MGST1: variants seen among roughly 807,000 people sequenced by gnomAD.
MGST1 encodes glutathione S-transferase 12.
In MGST1, 5 loss-of-function variants were observed where a neutral mutation model predicts 8.9. The ratio of observed to expected loss-of-function variants is 0.56; its 90% CI spans 0.29 to 1.19. The LOEUF is 1.19. MGST1 is among the 50% of genes most tolerant of loss of function. The pLI is 0.08. For synonymous variants in MGST1, 54 were observed against 67.8 expected (o/e 0.80, Z 1.00); for missense variants, 182 against 187.4 (o/e 0.97, Z 0.17).
chr12:16,552,084 T>G (rs1942009291), intron 4 of MGST1, among the ~76,000 whole-genome samples: 2 of 152,092 alleles, frequency 1.3e-5, no homozygotes, highest in African/African-American at 4.8e-5. Flanking sequence ...TAAAGCATTG[T>G]TTAATGTGCA....
intron 3 of MGST1, among the ~76,000 whole-genome samples, chr12:16,371,724 T>TA (rs1223145091): frequency 6.6e-6 from 1 of 152,110 alleles, no homozygotes; most frequent in Admixed American, 6.6e-5. Flanking sequence ...GATCATCAGC[T>TA]AAAAAATATG....
chr12:16,359,932 C>T (rs1231951510), intron 3 of MGST1, among the ~76,000 whole-genome samples: 1 of 152,182 alleles, frequency 6.6e-6, no homozygotes, highest in Admixed American at 6.5e-5. Context: ...ACTCCCTGCC[C>T]GTGGGATTGT....
At position 16,427,928 on chromosome 12, in the gene MGST1, C is replaced by T. The variant is rs555140751; in HGVS notation, n.779-9460C>T. Among the ~76,000 whole-genome samples, 187 of 151,756 alleles carry T rather than the reference C, an allele frequency of 1.2e-3. 1 individual carries two copies. Among genetic ancestry groups the T allele is most frequent in the Admixed American group, 4.1e-3 (63 of 15,256 alleles). On this transcript the variant is annotated intron_variant and non_coding_transcript_variant, in intron 1 of 1. Transcript: ENST00000359720. Reference sequence around the variant, plus strand: ...TTATTACTTCTTTTTGGTTTTTAAACTTTTTGATTTAATCTTATATTTCTC... The same window carrying T: ...TTATTACTTCTTTTTGGTTTTTAAATTTTTTGATTTAATCTTATATTTCTC...
intron 4 of MGST1, among the ~76,000 whole-genome samples, chr12:16,477,669 T>C (rs1204328911): frequency 6.6e-6 from 1 of 152,250 alleles, no homozygotes; most frequent in Non-Finnish European, 1.5e-5. Context: ...AGCTATCAGT[T>C]GAGGTCATAC....
intron 4 of MGST1, among the ~76,000 whole-genome samples, chr12:16,530,248 T>C (rs890124078): frequency 2.0e-5 from 3 of 152,146 alleles, no homozygotes; most frequent in Non-Finnish European, 2.9e-5. Context: ...TGATTAAGTT[T>C]TTATCATAAT....
At chr12:16,462,443 A>G (rs1941227691) in intron 4 of MGST1, among the ~76,000 whole-genome samples, 1 of 152,312 alleles carries the variant, frequency 6.6e-6, no homozygotes, top group African/African-American at 2.4e-5. Flanking sequence ...GCAAGTACAT[A>G]AGATAAAATA....
chr12:16,520,618 T>C (rs1435500436), intron 4 of MGST1, among the ~76,000 whole-genome samples: 1 of 152,112 alleles, frequency 6.6e-6, no homozygotes, highest in African/African-American at 2.4e-5. Context: ...CCATAGGTTT[T>C]CGCTGAGAAG....
At position 16,546,640 on chromosome 12, in the gene MGST1, T is replaced by C. The variant is rs954696151; in HGVS notation, n.483-42888T>C. ...TTTTTAAAAAGTTCAGTGTGTGTAA[T>C]TGTTAACACCTGCTATGTGTTACCA... On this transcript the variant is annotated intron_variant and non_coding_transcript_variant, in intron 4 of 4. Transcript: ENST00000538857. The surrounding 1 kb of genome is among the most constrained non-coding windows in gnomAD (Gnocchi z 4.7). Among the ~76,000 whole-genome samples the C allele has an allele frequency of 2.6e-5, 4 of 152,192 alleles. No individual in the cohort carries two copies. The highest frequency in any genetic ancestry group is 4.8e-5 in the African/African-American group (2 of 41,472).
intron 4 of MGST1, among the ~76,000 whole-genome samples, chr12:16,574,386 G>C (rs1027663440): frequency 6.6e-6 from 1 of 152,062 alleles, no homozygotes; most frequent in Non-Finnish European, 1.5e-5. Context: ...TTCTGCTTTT[G>C]AACTTTGAGT....
At chr12:16,515,558 A>AGGCGG (rs1941607357) in intron 4 of MGST1, among the ~76,000 whole-genome samples, 1 of 148,844 alleles carries the variant, frequency 6.7e-6, no homozygotes, top group African/African-American at 2.5e-5. Flanking sequence ...TGAACTGGGG[A>AGGCGG]GGCGGAGGGT....
chr12:16,574,301 G>A (rs906722099), intron 4 of MGST1, among the ~76,000 whole-genome samples: 5 of 152,122 alleles, frequency 3.3e-5, no homozygotes, highest in Admixed American at 6.6e-5. Context: ...GCAGATGCAG[G>A]ATGTCTGATC....
chr12:16,472,533 G>A (rs1472021192), intron 4 of MGST1, among the ~76,000 whole-genome samples: 2 of 151,818 alleles, frequency 1.3e-5, no homozygotes, highest in African/African-American at 4.8e-5. Context: ...CTGAAAAATG[G>A]TATTAGTGGC....
At position 16,482,609 on chromosome 12, in the gene MGST1, T is replaced by A. The variant is rs987434870; in HGVS notation, n.482+99005T>A. Among the ~76,000 whole-genome samples, 8 of 150,454 alleles carry A rather than the reference T, an allele frequency of 5.3e-5. No individual in the cohort carries two copies. Among genetic ancestry groups the A allele is most frequent in the Non-Finnish European group, 1.0e-4 (7 of 67,728 alleles). ...TCACGCCACTGCACTCCAGCCTGGG[T>A]TACAGAGCAAGACTCTGTCTGGAAG... On this transcript the variant is annotated intron_variant and non_coding_transcript_variant, in intron 4 of 4. Coordinates refer to the MGST1 transcript ENST00000538857. The surrounding 1 kb of genome is among the most constrained non-coding windows in gnomAD (Gnocchi z 4.2).
chr12:16,408,030 CAA>C (rs200073692), intron 1 of MGST1, among the ~76,000 whole-genome samples: 60 of 44,070 alleles, frequency 1.4e-3, no homozygotes, highest in African/African-American at 2.9e-3. Context: ...GACTCTGTCT[CAA>C]AAAAAAAAAA....
At position 16,582,912 on chromosome 12, in the gene MGST1, T is replaced by G. The variant is rs1943205879; in HGVS notation, n.483-6616T>G. On this transcript the variant is annotated intron_variant and non_coding_transcript_variant, in intron 4 of 4. Transcript: ENST00000538857. The surrounding 1 kb of genome is among the most constrained non-coding windows in gnomAD (Gnocchi z 4.1). ...AAATAAAAAAATTAGCCGGGAGTGG[T>G]GGCATGCACCTGTAATCCCAGCTAC... Among the ~76,000 whole-genome samples, 1 of 152,048 alleles carries G rather than the reference T, an allele frequency of 6.6e-6. No individual in the cohort carries two copies. The highest frequency in any genetic ancestry group is 6.6e-5 in the Admixed American group (1 of 15,260).
At chr12:16,386,537 C>A (rs559249891) in intron 1 of MGST1, among the ~76,000 whole-genome samples, 24 of 152,278 alleles carry the variant, frequency 1.6e-4, no homozygotes, top group African/African-American at 5.5e-4. Flanking sequence ...AATACTGAGA[C>A]CGAAGCTTCT....
chr12:16,485,111 C>T (rs370806549), intron 4 of MGST1, among the ~76,000 whole-genome samples: 6 of 152,222 alleles, frequency 3.9e-5, no homozygotes, highest in South Asian at 2.1e-4. Context: ...ACTCTGTTGA[C>T]CACCTTCCCC....
At chr12:16,528,076 C>T (rs577425001) in intron 4 of MGST1, among the ~76,000 whole-genome samples, 37 of 152,050 alleles carry the variant, frequency 2.4e-4, no homozygotes, top group African/African-American at 5.8e-4. Flanking sequence ...TTGACAGAGG[C>T]GATTACTTTT....
At chr12:16,411,448 A>G (rs1297085558) in intron 1 of MGST1, among the ~76,000 whole-genome samples, 1 of 152,222 alleles carries the variant, frequency 6.6e-6, no homozygotes, top group African/African-American at 2.4e-5. Flanking sequence ...AATATTGCCT[A>G]TGATATTTTT....
Sources: allele counts gnomAD v4.1 joint callset (sites outside exome capture counted in the v4.1 genomes callset), GRCh38; gene constraint gnomAD v4.1.1; non-coding constraint Gnocchi (gnomAD v3.1); transcripts MANE v1.5; gene names NCBI Gene and HGNC (gene_info 2026-07-23, HGNC 2026-07-21).